NCOA2: variants seen among roughly 807,000 people sequenced by gnomAD.
NCOA2 encodes nuclear receptor coactivator 2, also known as class E basic helix-loop-helix protein 75.
NCOA2 carries 21 observed loss-of-function variants against 145.1 expected under a neutral mutation model. The ratio of observed to expected loss-of-function variants is 0.14; its 90% CI spans 0.10 to 0.21. The LOEUF is 0.21. Among genes scored for constraint, NCOA2 ranks in the 10% least tolerant of loss-of-function variants. The probability of loss-of-function intolerance (pLI) is 1.00; values close to 1 mark genes in which losing one functional copy is unlikely to be tolerated. For synonymous variants in NCOA2, 619 were observed against 637.5 expected (o/e 0.97, Z 0.44); for missense variants, 1,472 against 1,837.6 (o/e 0.80, Z 3.64).
chr8:70,361,466 G>A lies in NCOA2; in HGVS notation c.-77+42234C>T, dbSNP rs184217699. 3.6e-3 allele frequency among the ~76,000 whole-genome samples: 540 copies of A among 150,348 alleles called. 1 individual carries two copies. Among genetic ancestry groups the A allele is most frequent in the Non-Finnish European group, 4.7e-3 (316 of 67,686 alleles). On this transcript the variant is annotated intron_variant, in intron 1 of 22. Coordinates refer to ENST00000452400, the MANE Select transcript of NCOA2 (RefSeq NM_006540.4). ...GTCTGAGCAACAAGAACAAAACTCCGTCTCAAAAAAGAAAAAAAAAGAAAG... is the reference window on the plus strand; with the variant it reads ...GTCTGAGCAACAAGAACAAAACTCCATCTCAAAAAAGAAAAAAAAAGAAAG...
At chr8:70,173,232 T>A (rs1450345652) in intron 5 of NCOA2, among the ~76,000 whole-genome samples, 1 of 152,220 alleles carries the variant, frequency 6.6e-6, no homozygotes, top group Non-Finnish European at 1.5e-5. Flanking sequence ...GAACTCAGTC[T>A]CAAAGGGCTT....
Position 70,113,221 on chromosome 8 carries a change from T to C in NCOA2, c.*411A>G, listed in dbSNP as rs1806700123. On this transcript the variant is annotated 3_prime_UTR_variant, in exon 23 of 23. Coordinates refer to ENST00000452400, the MANE Select transcript of NCOA2 (RefSeq NM_006540.4). ...AATCTTAATCTTTTGCACTAGACTG[T>C]TAGCCAGGGAAAACAAAGCAAGAAA... 3.9e-6 allele frequency: 1 copy of C among 254,734 alleles called. No individual in the cohort carries two copies. The highest frequency in any genetic ancestry group is 2.2e-5 in the African/African-American group (1 of 46,010). The allele number at this position is 254,734 out of a possible 1,614,324, so 15.8% of individuals were successfully genotyped here.
chr8:70,415,491 C>T, the NCOA2 span, among the ~76,000 whole-genome samples: 2 of 152,154 alleles, frequency 1.3e-5, no homozygotes, highest in African/African-American at 2.4e-5. Flanking sequence ...ATTTTTGTTT[C>T]ATAAAATTCA....
chr8:70,451,233 A>ATATAT, the NCOA2 span, among the ~76,000 whole-genome samples: 296 of 85,620 alleles, frequency 3.5e-3, 1 homozygote, highest in Non-Finnish European at 6.1e-3. Context: ...AAAAAAAAAA[A>ATATAT]AAAAATATAT....
At chr8:70,252,318 T>C (rs972859535) in intron 2 of NCOA2, among the ~76,000 whole-genome samples, 2 of 152,216 alleles carry the variant, frequency 1.3e-5, no homozygotes, top group Admixed American at 1.3e-4. Flanking sequence ...CTAACGCCTG[T>C]AATCCCAGCA....
intron 1 of NCOA2, among the ~76,000 whole-genome samples, chr8:70,371,968 A>T (rs1811263599): frequency 6.8e-6 from 1 of 146,888 alleles, no homozygotes; most frequent in Non-Finnish European, 1.5e-5. Context: ...AATATTCACA[A>T]ATCTACACTG....
At chr8:70,138,660 T>A (rs1279002541) in intron 14 of NCOA2, among the ~76,000 whole-genome samples, 1 of 152,256 alleles carries the variant, frequency 6.6e-6, no homozygotes, top group African/African-American at 2.4e-5. Context: ...GAAAAAAGTG[T>A]AGATTCATTT....
At chr8:70,451,957 GTGTTTGTT>G in the NCOA2 span, among the ~76,000 whole-genome samples, 128 of 151,312 alleles carry the variant, frequency 8.5e-4, no homozygotes, top group South Asian at 8.8e-3. Flanking sequence ...GGCATTTAAG[GTGTTTGTT>G]TGTTTGTTTG....
chr8:70,323,350 G>C (rs1239582174), intron 1 of NCOA2, among the ~76,000 whole-genome samples: 1 of 152,164 alleles, frequency 6.6e-6, no homozygotes, highest in Non-Finnish European at 1.5e-5. Context: ...AAACGAGAAA[G>C]AATATAATTA....
At chr8:70,174,405 G>C (rs146845821) in intron 5 of NCOA2, among the ~76,000 whole-genome samples, 1 of 152,230 alleles carries the variant, frequency 6.6e-6, no homozygotes, top group African/African-American at 2.4e-5. Context: ...TTTGTACATG[G>C]CATGTACAAA....
chr8:70,402,776 C>CGCCCCCG (rs1683288896), intron 1 of NCOA2, among the ~76,000 whole-genome samples: 2 of 151,760 alleles, frequency 1.3e-5, no homozygotes, highest in African/African-American at 2.4e-5. Context: ...GTCCGCCTCC[C>CGCCCCCG]GCCCCCGGCC....
At chr8:70,405,278 T>G (rs528150920), upstream of NCOA2, among the ~76,000 whole-genome samples, 6 of 152,008 alleles carry the variant, frequency 3.9e-5, no homozygotes, top group Non-Finnish European at 5.9e-5. Context: ...GTGTCTGTGT[T>G]TGTTTGTGGA....
the NCOA2 span, among the ~76,000 whole-genome samples, chr8:70,428,515 T>C: frequency 6.6e-6 from 1 of 152,070 alleles, no homozygotes. Flanking sequence ...TCCCAGCTAC[T>C]CAGGAGGCTG....
At chr8:70,249,733 C>T (rs1288573944) in intron 2 of NCOA2, among the ~76,000 whole-genome samples, 4 of 151,712 alleles carry the variant, frequency 2.6e-5, no homozygotes, top group Admixed American at 6.6e-5. Context: ...GAGGCCGAGG[C>T]GGGCAGATCA....
intron 1 of NCOA2, among the ~76,000 whole-genome samples, chr8:70,382,230 T>TA (rs922547022): frequency 1.1e-4 from 16 of 152,006 alleles, no homozygotes; most frequent in African/African-American, 3.6e-4. Flanking sequence ...CCGAAGCTGC[T>TA]AAAAAAGGCT....
intron 4 of NCOA2, among the ~76,000 whole-genome samples, chr8:70,196,598 T>A (rs1817339313): frequency 6.6e-6 from 1 of 152,050 alleles, no homozygotes; most frequent in Non-Finnish European, 1.5e-5. Context: ...AGATTTAAGG[T>A]TTTTAATGAA....
chr8:70,456,424 T>C, the NCOA2 span, among the ~76,000 whole-genome samples: 2 of 152,250 alleles, frequency 1.3e-5, no homozygotes, highest in Admixed American at 1.3e-4. Context: ...CCGGACGTTG[T>C]TGAGAACAGC....
chr8:70,153,421 CTCTTT>C (rs894503561), intron 11 of NCOA2, among the ~76,000 whole-genome samples: 4 of 152,278 alleles, frequency 2.6e-5, no homozygotes, highest in African/African-American at 9.6e-5. Flanking sequence ...TAAAAAACTC[CTCTTT>C]TGTCAGTTTC....
chr8:70,423,829 C>T, the NCOA2 span, among the ~76,000 whole-genome samples: 1 of 152,114 alleles, frequency 6.6e-6, no homozygotes, highest in African/African-American at 2.4e-5. Context: ...TGGTCCTGGG[C>T]AGCACACTCT....
Sources: gnomAD v4.1 joint callset for allele counts (sites outside exome capture counted in the v4.1 genomes callset) on GRCh38, gnomAD v4.1.1 for gene constraint, MANE v1.5 for transcripts, NCBI Gene and HGNC (gene_info 2026-07-23, HGNC 2026-07-21) for gene names.